The following PCDHGA9 variants were observed in gnomAD, a reference collection of about 807,000 sequenced individuals.
The protein encoded by PCDHGA9 is protocadherin gamma-A9.
A neutral mutation model predicts 62.5 loss-of-function variants in PCDHGA9; 37 were observed. The observed-to-expected ratio is 0.59, with a 90% CI of 0.46 to 0.78. The LOEUF is 0.78. PCDHGA9 is among the 30% of genes least tolerant of loss of function. The pLI is 0.00. For synonymous variants in PCDHGA9, 459 were observed against 484.6 expected (o/e 0.95, Z 0.69); for missense variants, 1,138 against 1,166.2 (o/e 0.98, Z 0.35).
chr5:141,449,693 G>A (rs2098652097), intron 1 of PCDHGA9, among the ~76,000 whole-genome samples: 1 of 150,164 alleles, frequency 6.7e-6, no homozygotes, highest in South Asian at 2.1e-4. Flanking sequence ...TTGTGTGTAT[G>A]TACACAAACA....
rs72790062 is a variant in PCDHGA9, at chr5:141,476,031, C to A, written c.2425-18776C>A. On this transcript the variant is annotated intron_variant, in intron 1 of 3. Coordinates refer to ENST00000573521, the MANE Select transcript of PCDHGA9 (RefSeq NM_018921.3). The surrounding 1 kb of genome is among the most constrained non-coding windows in gnomAD (Gnocchi z 7.6). Reference sequence around the variant, plus strand: ...AAGCCATGTCGGACTCGGCGCCCAGCGCCCAAGCGCTAACCCGCTGAAAGT... The same window carrying A: ...AAGCCATGTCGGACTCGGCGCCCAGAGCCCAAGCGCTAACCCGCTGAAAGT... 6.9e-6 allele frequency: 10 copies of A among 1,457,214 alleles called. No homozygotes were observed. The highest frequency in any genetic ancestry group is 9.1e-6 in the Non-Finnish European group (10 of 1,094,860). 90.3% of individuals were successfully genotyped at this position (1,457,214 alleles called of 1,614,324 possible).
chr5:141,423,297 C>G lies in PCDHGA9; in HGVS notation c.2424+17921C>G, dbSNP rs1322889810. 3 of 1,614,170 alleles carry G rather than the reference C, an allele frequency of 1.9e-6. 1 individual carries two copies. The South Asian group carries it at 3.3e-5, about 18-fold the overall frequency. The stretch of plus-strand genomic sequence containing the variant: ...TGGCTAACTCTGAAACCTCAGACCT[C>G]TCGCTGTACTTGGTGGTGGCGGTGG... On this transcript the variant is annotated intron_variant, in intron 1 of 3. Transcript: ENST00000573521.
In PCDHGA9 at chr5:141,477,229, C is replaced by G. The variant is rs1376731101; in HGVS notation, c.2425-17578C>G. The G allele has an allele frequency of 6.2e-7, 1 of 1,614,222 alleles. No homozygotes were observed. The highest frequency in any genetic ancestry group is 8.5e-7 in the Non-Finnish European group (1 of 1,180,052). On this transcript the variant is annotated intron_variant, in intron 1 of 3. Transcript: ENST00000573521. This position sits in a 1 kb window ranked among gnomAD's most constrained non-coding sequence, Gnocchi z 4.9. ...AGGATGCCCCTCTGGGGACTGTCAT[C>G]GCTTTGCTCAGTGTGACTGACCTGG...
intron 1 of PCDHGA9, among the ~76,000 whole-genome samples, chr5:141,474,448 A>G (rs1350019257): frequency 3.3e-5 from 5 of 152,204 alleles, no homozygotes; most frequent in Non-Finnish European, 5.9e-5. Context: ...GTAGCAAGTG[A>G]TTGGGCTATA....
At chr5:141,433,605 G>C (rs1411907056) in intron 1 of PCDHGA9, among the ~76,000 whole-genome samples, 1 of 152,114 alleles carries the variant, frequency 6.6e-6, no homozygotes. Context: ...GGAGGCCGAG[G>C]CGGGTGGATC....
Position 141,490,520 on chromosome 5 carries a change from G to A in PCDHGA9, c.2425-4287G>A. 1 of 1,614,072 alleles carries A rather than the reference G, an allele frequency of 6.2e-7. No individual in the cohort carries two copies. Among genetic ancestry groups the A allele is most frequent in the Non-Finnish European group, 8.5e-7 (1 of 1,180,014 alleles). ...CACTATATCATCGAGCTGCTGGCCAGCGATGCTGGTTCACCTTCCCTACAC... is the reference window on the plus strand; with the variant it reads ...CACTATATCATCGAGCTGCTGGCCAACGATGCTGGTTCACCTTCCCTACAC... On this transcript the variant is annotated intron_variant, in intron 1 of 3. Coordinates refer to ENST00000573521, the MANE Select transcript of PCDHGA9 (RefSeq NM_018921.3). The surrounding 1 kb of genome is among the most constrained non-coding windows in gnomAD (Gnocchi z 5.4).
intron 2 of PCDHGA9, among the ~76,000 whole-genome samples, chr5:141,496,121 C>A (rs1391009290): frequency 6.6e-6 from 1 of 152,088 alleles, no homozygotes; most frequent in Non-Finnish European, 1.5e-5. Flanking sequence ...TCCTTCCCTG[C>A]CCCTCACACA....
chr5:141,409,669 C>A, intron 1 of PCDHGA9: 1 of 1,613,528 alleles, frequency 6.2e-7, no homozygotes, highest in Non-Finnish European at 8.5e-7. Context: ...ACATCTCCTA[C>A]TCTATAGTGG....
In PCDHGA9 at chr5:141,487,086, TCCCACCACAGAAG is replaced by T. The variant is rs2099639456; in HGVS notation, c.2425-7719_2425-7707del. 6.2e-7 allele frequency: 1 copy of T among 1,613,822 alleles called. No homozygotes were observed. ...ACGGCTGTTCCTATCCCAGCTGACC[TCCCACCACAGAAG>T]CTGGTCATTGTGGTAAAGGATAGTG... On this transcript the variant is annotated intron_variant, in intron 1 of 3. Coordinates refer to ENST00000573521, the MANE Select transcript of PCDHGA9 (RefSeq NM_018921.3). The surrounding 1 kb of genome is among the most constrained non-coding windows in gnomAD (Gnocchi z 5.0).
intron 1 of PCDHGA9, among the ~76,000 whole-genome samples, chr5:141,446,827 C>A (rs922071842): frequency 6.6e-6 from 1 of 152,114 alleles, no homozygotes; most frequent in Non-Finnish European, 1.5e-5. Context: ...TGGGTAGATC[C>A]TTATAAGGCT....
Position 141,485,563 on chromosome 5 carries a change from C to T in PCDHGA9, c.2425-9244C>T, listed in dbSNP as rs746689576. The T allele has an allele frequency of 1.2e-5, 19 of 1,612,904 alleles. No homozygotes were observed. In the South Asian group the frequency reaches 1.6e-4, roughly 14 times the overall value. ...AGATCGTAGATGTGAATGATCACGCCCCCCGTTTTCCGCGGCAGCAGCTGG... is the reference window on the plus strand; with the variant it reads ...AGATCGTAGATGTGAATGATCACGCTCCCCGTTTTCCGCGGCAGCAGCTGG... On this transcript the variant is annotated intron_variant, in intron 1 of 3. Coordinates refer to ENST00000573521, the MANE Select transcript of PCDHGA9 (RefSeq NM_018921.3). This position sits in a 1 kb window ranked among gnomAD's most constrained non-coding sequence, Gnocchi z 5.7.
intron 1 of PCDHGA9, among the ~76,000 whole-genome samples, chr5:141,455,603 C>T (rs1433078116): frequency 3.3e-5 from 5 of 152,190 alleles, no homozygotes; most frequent in Admixed American, 2.6e-4. Context: ...CGTAGGGCGC[C>T]ATGGATGTTC....
Position 141,489,172 on chromosome 5 carries a change from T to G in PCDHGA9, c.2425-5635T>G. 1 of 1,199,026 alleles carries G rather than the reference T, an allele frequency of 8.3e-7. No individual in the cohort carries two copies. Among genetic ancestry groups the G allele is most frequent in the East Asian group, 2.4e-5 (1 of 42,106 alleles). The allele number at this position is 1,199,026 out of a possible 1,614,324, so 74.3% of individuals were successfully genotyped here. ...ACATAAGAGACTTCAGCTGCTGCATTCCAAGCCCTGGGTCTACCTTGGAGA... is the reference window on the plus strand; with the variant it reads ...ACATAAGAGACTTCAGCTGCTGCATGCCAAGCCCTGGGTCTACCTTGGAGA... On this transcript the variant is annotated intron_variant, in intron 1 of 3. Coordinates refer to ENST00000573521, the MANE Select transcript of PCDHGA9 (RefSeq NM_018921.3). This position sits in a 1 kb window ranked among gnomAD's most constrained non-coding sequence, Gnocchi z 4.5.
intron 1 of PCDHGA9, among the ~76,000 whole-genome samples, chr5:141,488,117 G>A (rs1231303931): frequency 6.6e-6 from 1 of 152,190 alleles, no homozygotes; most frequent in African/African-American, 2.4e-5. Flanking sequence ...GAAACATAGA[G>A]ACAGCAGAAA....
chr5:141,415,603 T>C, intron 1 of PCDHGA9: 6 of 1,613,954 alleles, frequency 3.7e-6, no homozygotes, highest in Non-Finnish European at 5.1e-6. Flanking sequence ...GGATACCCCA[T>C]TGGTTCCAGT....
rs2154536235 is a variant in PCDHGA9, at chr5:141,405,192, G to A, written c.2240G>A (p.Arg747Gln). The change falls in exon 1 of 4, where the codon CGA becomes CAA. Residue 747 changes from arginine to glutamine, a missense_variant. Coordinates refer to ENST00000573521, the MANE Select transcript of PCDHGA9 (RefSeq NM_018921.3). ...CACTTTGTGGGTGTAGATGGGGTTC[G>A]AGCTTTCCTACAGACCTATTCTCAG... is the stretch of plus-strand genomic sequence containing the variant. ...TSHFVGVDGV[R>Q]AFLQTYSQEF... 3.1e-6 allele frequency: 5 copies of A among 1,613,938 alleles called. No individual in the cohort carries two copies. Among genetic ancestry groups the A allele is most frequent in the East Asian group, 2.2e-5 (1 of 44,856 alleles).
chr5:141,445,129 A>G (rs1405841381), intron 1 of PCDHGA9, among the ~76,000 whole-genome samples: 3 of 152,226 alleles, frequency 2.0e-5, no homozygotes, highest in Non-Finnish European at 4.4e-5. Context: ...TATTTTTAAA[A>G]TTGTATCTTC....
chr5:141,465,313 T>C (rs113508011), intron 1 of PCDHGA9, among the ~76,000 whole-genome samples: 5 of 152,312 alleles, frequency 3.3e-5, no homozygotes, highest in Admixed American at 6.5e-5. Context: ...AATTTAGCCA[T>C]GTCAATGCAG....
intron 1 of PCDHGA9, among the ~76,000 whole-genome samples, chr5:141,470,212 C>A (rs756256854): frequency 2.0e-5 from 3 of 152,116 alleles, no homozygotes; most frequent in Non-Finnish European, 4.4e-5. Context: ...AAGGCTAAAC[C>A]ATTCAGCTTC....
Sources: gnomAD v4.1 joint callset for allele counts (sites outside exome capture counted in the v4.1 genomes callset) on GRCh38, gnomAD v4.1.1 for gene constraint, Gnocchi (gnomAD v3.1) non-coding constraint, MANE v1.5 for transcripts, NCBI Gene and HGNC (gene_info 2026-07-23, HGNC 2026-07-21) for gene names.